PCDHA1: variants seen among roughly 807,000 people sequenced by gnomAD.
PCDHA1 encodes the protein protocadherin alpha-1.
A neutral mutation model predicts 61.3 loss-of-function variants in PCDHA1; 42 were observed. That is an observed-to-expected ratio of 0.69 (90% CI 0.54 to 0.89). PCDHA1 has a LOEUF of 0.89. Among genes scored for constraint, PCDHA1 ranks in the 40% least tolerant of loss-of-function variants. PCDHA1 has a pLI of 0.00. For synonymous variants in PCDHA1, 610 were observed against 553.8 expected, an observed-to-expected ratio of 1.10 and a Z score of -1.43; for missense variants, 1,256 against 1,235.3, an observed-to-expected ratio of 1.02 and a Z score of -0.25.
Position 140,885,608 on chromosome 5 carries a change from A to T in PCDHA1, c.2395-93341A>T, listed in dbSNP as rs1163790004. Among the ~76,000 whole-genome samples the T allele has an allele frequency of 2.0e-5, 3 of 152,192 alleles. No homozygotes were observed. In the East Asian group the frequency reaches 5.8e-4, roughly 29 times the overall value. On this transcript the variant is annotated intron_variant, in intron 1 of 3. Coordinates refer to ENST00000504120, the MANE Select transcript of PCDHA1 (RefSeq NM_018900.4). ...TGCATCAAAGATATTAATAATTTTA[A>T]TTATAAAATATGTCACTGGATTGCC...
At chr5:140,927,533 C>T in intron 1 of PCDHA1, 1 of 1,614,102 alleles carries the variant, frequency 6.2e-7, no homozygotes, top group Non-Finnish European at 8.5e-7. Flanking sequence ...CCTGCCCGCT[C>T]AGGAGACGCA....
chr5:141,005,662 A>G (rs2098227817), intron 3 of PCDHA1, among the ~76,000 whole-genome samples: 1 of 138,324 alleles, frequency 7.2e-6, no homozygotes, highest in East Asian at 2.2e-4. Context: ...AGATCGCGCC[A>G]CTGCACTCCA....
chr5:140,998,594 T>A (rs1396456161), intron 3 of PCDHA1, among the ~76,000 whole-genome samples: 4 of 152,076 alleles, frequency 2.6e-5, no homozygotes, highest in Non-Finnish European at 5.9e-5. Context: ...GACAGAGTTT[T>A]GCTCTTGTTG....
intron 1 of PCDHA1, chr5:140,842,516 T>C (rs2150337808): frequency 1.2e-6 from 2 of 1,613,620 alleles, no homozygotes; most frequent in East Asian, 2.2e-5. Flanking sequence ...CAAGCTGGTG[T>C]CCACCTTCAA....
chr5:140,881,180 T>G (rs1054668567), intron 1 of PCDHA1: 1 of 167,342 alleles, frequency 6.0e-6, no homozygotes, highest in East Asian at 1.9e-4. Flanking sequence ...TTTTCCTTGC[T>G]AAAGATATGT....
At position 140,842,891 on chromosome 5, in the gene PCDHA1, G is replaced by T. The variant is rs2150347390; in HGVS notation, c.2394+54207G>T. On this transcript the variant is annotated intron_variant, in intron 1 of 3. Transcript: ENST00000504120. ...CAAGGTGTACGCGCTGCAGCCGCTGGACCACGAGGAGCTAGAGCTGCTGCA... is the reference window on the plus strand; with the variant it reads ...CAAGGTGTACGCGCTGCAGCCGCTGTACCACGAGGAGCTAGAGCTGCTGCA... 1.1e-5 allele frequency: 18 copies of T among 1,594,150 alleles called. No homozygotes were observed. The Admixed American group carries it at 3.0e-4, about 27-fold the overall frequency.
Position 140,786,282 on chromosome 5 carries a change from C to T in PCDHA1, c.-9C>T, listed in dbSNP as rs1761295098. The T allele has an allele frequency of 5.0e-6, 8 of 1,590,338 alleles. No homozygotes were observed. The highest frequency in any genetic ancestry group is 6.8e-6 in the Non-Finnish European group (8 of 1,169,244). Reference sequence around the variant, plus strand: ...GAGGAGAGCATAAGAAAGGTGTAGTCCTTTTGCAATGGTGTTTTCTAGGAG... The same window carrying T: ...GAGGAGAGCATAAGAAAGGTGTAGTTCTTTTGCAATGGTGTTTTCTAGGAG... On this transcript the variant is annotated 5_prime_UTR_variant, in exon 1 of 4. Transcript: ENST00000504120.
intron 1 of PCDHA1, chr5:140,809,830 G>T: frequency 2.8e-6 from 1 of 354,946 alleles, no homozygotes; most frequent in Non-Finnish European, 5.0e-6. Context: ...CACCCTCTTT[G>T]TTTTTGGTAA....
chr5:140,801,484 G>A, intron 1 of PCDHA1: 1 of 1,614,138 alleles, frequency 6.2e-7, no homozygotes, highest in South Asian at 1.1e-5. Flanking sequence ...GAGGAACTGT[G>A]CGGGCGGAGC....
chr5:140,835,421 T>C (rs2150235406), intron 1 of PCDHA1: 2 of 1,613,844 alleles, frequency 1.2e-6, no homozygotes, highest in African/African-American at 1.3e-5. Context: ...TAAATGACAA[T>C]GCTCCACAGT....
intron 1 of PCDHA1, chr5:140,862,887 G>C (rs781965401): frequency 2.7e-5 from 15 of 562,992 alleles, no homozygotes; most frequent in South Asian, 1.8e-4. Flanking sequence ...GTGCTGGAAC[G>C]ACAACTTTGT....
chr5:140,834,412 G>C (rs2150217251), intron 1 of PCDHA1: 1 of 1,611,044 alleles, frequency 6.2e-7, no homozygotes, highest in Non-Finnish European at 8.5e-7. Context: ...TACGACCCAG[G>C]GGGCCGACAT....
chr5:140,840,577 G>T lies in PCDHA1; in HGVS notation c.2394+51893G>T, dbSNP rs185474153. ...TACTGCTAGAGTTTGGCATGTCAGA[G>T]AAATCATAAAGGAAAATGTTTTAAG... On this transcript the variant is annotated intron_variant, in intron 1 of 3. Coordinates refer to ENST00000504120, the MANE Select transcript of PCDHA1 (RefSeq NM_018900.4). Among the ~76,000 whole-genome samples, 160 of 152,084 alleles carry T rather than the reference G, an allele frequency of 1.1e-3. 2 individuals are homozygous for T. Among genetic ancestry groups the T allele is most frequent in the African/African-American group, 3.7e-3 (153 of 41,446 alleles).
Position 140,855,923 on chromosome 5 carries a change from A to T in PCDHA1, c.2394+67239A>T, listed in dbSNP as rs1424860955. On this transcript the variant is annotated intron_variant, in intron 1 of 3. Coordinates refer to ENST00000504120, the MANE Select transcript of PCDHA1 (RefSeq NM_018900.4). Reference sequence around the variant, plus strand: ...GCCAGTTTCTCAAGGACTAGGAAGTAGCGTCATTCTGAGATCTCAGCCATT... The same window carrying T: ...GCCAGTTTCTCAAGGACTAGGAAGTTGCGTCATTCTGAGATCTCAGCCATT... 7.3e-6 allele frequency: 9 copies of T among 1,229,146 alleles called. No individual in the cohort carries two copies. In the South Asian group the frequency reaches 1.4e-4, roughly 19 times the overall value. 76.1% of individuals were successfully genotyped at this position (1,229,146 alleles called of 1,614,324 possible).
At chr5:140,875,262 C>A in intron 1 of PCDHA1, 1 of 1,157,366 alleles carries the variant, frequency 8.6e-7, no homozygotes, top group African/African-American at 1.6e-5. Flanking sequence ...CATGATGTCG[C>A]TCTACACTCA....
chr5:140,795,957 A>G (rs368808250), intron 1 of PCDHA1: 10 of 1,613,982 alleles, frequency 6.2e-6, no homozygotes, highest in Non-Finnish European at 8.5e-6. Flanking sequence ...CTTCAATGTC[A>G]GGACATTGTA....
At position 141,010,411 on chromosome 5, in the gene PCDHA1, G is replaced by A. The variant is rs1215041869; in HGVS notation, c.*474G>A. On this transcript the variant is annotated 3_prime_UTR_variant, in exon 4 of 4. Coordinates refer to ENST00000504120, the MANE Select transcript of PCDHA1 (RefSeq NM_018900.4). Reference sequence around the variant, plus strand: ...TGAGACGAGCCAGCTTAGACTAATTGGTACAAGGAAGGCAAGAAAACAAAG... The same window carrying A: ...TGAGACGAGCCAGCTTAGACTAATTAGTACAAGGAAGGCAAGAAAACAAAG... The A allele has an allele frequency of 8.2e-7, 1 of 1,224,354 alleles. No individual in the cohort carries two copies. Among genetic ancestry groups the A allele is most frequent in the Admixed American group, 2.9e-5 (1 of 35,038 alleles). 75.8% of individuals were successfully genotyped at this position (1,224,354 alleles called of 1,614,324 possible).
chr5:140,939,729 G>A (rs1376988004), intron 1 of PCDHA1, among the ~76,000 whole-genome samples: 16 of 152,166 alleles, frequency 1.1e-4, no homozygotes, highest in Admixed American at 1.0e-3. Context: ...ATTGTTGTGT[G>A]TAGCTGTGTA....
chr5:140,969,454 A>T, intron 1 of PCDHA1: 1 of 1,511,824 alleles, frequency 6.6e-7, no homozygotes. Flanking sequence ...AACTGAGTAT[A>T]TATAGTATCC....
Sources: allele counts gnomAD v4.1 joint callset (sites outside exome capture counted in the v4.1 genomes callset), GRCh38; gene constraint gnomAD v4.1.1; transcripts MANE v1.5; gene names NCBI Gene and HGNC (gene_info 2026-07-23, HGNC 2026-07-21).